LMX1B: variants seen among roughly 807,000 people sequenced by gnomAD.
The protein encoded by LMX1B is LIM homeobox transcription factor 1 beta.
LMX1B carries 12 observed loss-of-function variants against 51.4 expected under a neutral mutation model. That is an observed-to-expected ratio of 0.23 (90% CI 0.15 to 0.38). The LOEUF (loss-of-function observed/expected upper bound fraction) is 0.38. LMX1B is among the 10% of genes least tolerant of loss of function. The probability of loss-of-function intolerance (pLI) is 1.00; values close to 1 mark genes in which losing one functional copy is unlikely to be tolerated. For synonymous variants in LMX1B, 237 were observed against 235.4 expected, an observed-to-expected ratio of 1.01 and a Z score of -0.06; for missense variants, 445 against 571.1, an observed-to-expected ratio of 0.78 and a Z score of 2.25.
chr9:126,638,937 A>G (rs1382078204), intron 2 of LMX1B, among the ~76,000 whole-genome samples: 1 of 151,582 alleles, frequency 6.6e-6, no homozygotes, highest in East Asian at 2.0e-4. Context: ...GGCAGCTCCT[A>G]GGTGCGGACT....
intron 2 of LMX1B, among the ~76,000 whole-genome samples, chr9:126,656,209 A>G (rs1219441658): frequency 2.0e-5 from 3 of 152,200 alleles, no homozygotes; most frequent in Non-Finnish European, 2.9e-5. Context: ...TGAGGAATGG[A>G]AAACAGACAG....
chr9:126,665,494 G>A (rs1041585451), intron 2 of LMX1B, among the ~76,000 whole-genome samples: 1 of 152,246 alleles, frequency 6.6e-6, no homozygotes, highest in African/African-American at 2.4e-5. Context: ...GGAGCTTGGC[G>A]GCCACCGGCC....
intron 2 of LMX1B, among the ~76,000 whole-genome samples, chr9:126,634,761 G>A (rs1194546695): frequency 6.6e-6 from 1 of 152,208 alleles, no homozygotes; most frequent in Admixed American, 6.5e-5. Context: ...GGGCCCCGCT[G>A]CGAGTGTACC....
chr9:126,664,964 G>A (rs1187317687), intron 2 of LMX1B, among the ~76,000 whole-genome samples: 3 of 152,312 alleles, frequency 2.0e-5, no homozygotes, highest in African/African-American at 4.8e-5. Flanking sequence ...CTCTACCTAC[G>A]AAGTTGGGAT....
Position 126,626,700 on chromosome 9 carries a change from G to A in LMX1B, c.326+11131G>A, listed in dbSNP as rs1233950339. Among the ~76,000 whole-genome samples, 1 of 152,210 alleles carries A rather than the reference G, an allele frequency of 6.6e-6. No individual in the cohort carries two copies. Among genetic ancestry groups the A allele is most frequent in the African/African-American group, 2.4e-5 (1 of 41,464 alleles). On this transcript the variant is annotated intron_variant, in intron 2 of 7. Transcript: ENST00000373474. The surrounding 1 kb of genome is among the most constrained non-coding windows in gnomAD (Gnocchi z 4.3). ...CTTGTTTGGAAAGGGGTGGGTGGGG[G>A]GCGTCGAGCGAGCGAGGGAAGGAGC...
intron 2 of LMX1B, among the ~76,000 whole-genome samples, chr9:126,668,581 G>A (rs1346414634): frequency 6.6e-6 from 1 of 152,024 alleles, no homozygotes; most frequent in Admixed American, 6.5e-5. Context: ...AGCCTCCTGA[G>A]TAGCTGGGAT....
chr9:126,696,087 A>T, intron 7 of LMX1B, 84 bp downstream of exon 7: 4 of 1,227,656 alleles, frequency 3.3e-6, no homozygotes, highest in Non-Finnish European at 4.4e-6. Flanking sequence ...CAGGACAGCC[A>T]CCTGCTGCCC....
At chr9:126,665,251 G>C (rs886124489) in intron 2 of LMX1B, among the ~76,000 whole-genome samples, 2 of 152,202 alleles carry the variant, frequency 1.3e-5, no homozygotes, top group African/African-American at 4.8e-5. Context: ...AACCTGATTT[G>C]GGGGGAGGGG....
chr9:126,665,712 A>T (rs1269174745), intron 2 of LMX1B, among the ~76,000 whole-genome samples: 1 of 152,194 alleles, frequency 6.6e-6, no homozygotes, highest in Non-Finnish European at 1.5e-5. Flanking sequence ...AGCCGTGGAG[A>T]ATCGCTGGCC....
At chr9:126,630,429 T>C (rs1459205192) in intron 2 of LMX1B, among the ~76,000 whole-genome samples, 1 of 152,128 alleles carries the variant, frequency 6.6e-6, no homozygotes, top group East Asian at 1.9e-4. Flanking sequence ...AGGGCACATT[T>C]CATCACTGGG....
chr9:126,674,124 C>T (rs1474393975), intron 2 of LMX1B, among the ~76,000 whole-genome samples: 1 of 152,088 alleles, frequency 6.6e-6, no homozygotes, highest in East Asian at 1.9e-4. Context: ...AGTTCTGAGT[C>T]AGGGACAGAG....
At chr9:126,654,192 C>T (rs1836070088) in intron 2 of LMX1B, among the ~76,000 whole-genome samples, 1 of 152,232 alleles carries the variant, frequency 6.6e-6, no homozygotes, top group South Asian at 2.1e-4. Context: ...CTCAGGCTTC[C>T]TCCTCTTGGG....
At chr9:126,646,086 G>A (rs545824827) in intron 2 of LMX1B, among the ~76,000 whole-genome samples, 3 of 152,290 alleles carry the variant, frequency 2.0e-5, no homozygotes, top group African/African-American at 7.2e-5. Flanking sequence ...CTCATTTAAG[G>A]CCTGAGATCC....
intron 2 of LMX1B, among the ~76,000 whole-genome samples, chr9:126,661,988 G>T (rs955333843): frequency 6.6e-6 from 1 of 152,190 alleles, no homozygotes; most frequent in African/African-American, 2.4e-5. Flanking sequence ...CAGCAGGAAG[G>T]GGCCTTTCTC....
At chr9:126,660,021 G>A (rs911286616) in intron 2 of LMX1B, among the ~76,000 whole-genome samples, 1 of 148,572 alleles carries the variant, frequency 6.7e-6, no homozygotes, top group African/African-American at 2.5e-5. Context: ...AAATTGTCCT[G>A]TGTGGGGGTG....
At position 126,677,473 on chromosome 9, in the gene LMX1B, C is replaced by T. The variant is rs1382295373; in HGVS notation, c.327-13363C>T. Among the ~76,000 whole-genome samples the T allele has an allele frequency of 6.6e-6, 1 of 152,248 alleles. No homozygotes were observed. The highest frequency in any genetic ancestry group is 2.4e-5 in the African/African-American group (1 of 41,468). Reference sequence around the variant, plus strand: ...TCACTGGCTAGAAGCAGGTATCAGGCTCCCAAATCTCTGGGTCATTTGCTT... The same window carrying T: ...TCACTGGCTAGAAGCAGGTATCAGGTTCCCAAATCTCTGGGTCATTTGCTT... On this transcript the variant is annotated intron_variant, in intron 2 of 7. Coordinates refer to ENST00000373474, the MANE Select transcript of LMX1B (RefSeq NM_001174147.2). The surrounding 1 kb of genome is among the most constrained non-coding windows in gnomAD (Gnocchi z 5.0).
At chr9:126,678,213 G>A (rs1270200485) in intron 2 of LMX1B, among the ~76,000 whole-genome samples, 1 of 151,416 alleles carries the variant, frequency 6.6e-6, no homozygotes, top group Non-Finnish European at 1.5e-5. Flanking sequence ...GGGAGGCTAA[G>A]ACAGGAGAAT....
chr9:126,675,750 GAT>G (rs1317245489), intron 2 of LMX1B, among the ~76,000 whole-genome samples: 2 of 134,704 alleles, frequency 1.5e-5, no homozygotes, highest in African/African-American at 6.0e-5. Context: ...AAAAAAAAAA[GAT>G]AAAAAATGTT....
chr9:126,648,209 G>A (rs1360107092), intron 2 of LMX1B, among the ~76,000 whole-genome samples: 6 of 152,236 alleles, frequency 3.9e-5, no homozygotes, highest in East Asian at 1.9e-4. Flanking sequence ...GAAATTGATC[G>A]TTGAGTCAGA....
Sources: allele counts gnomAD v4.1 joint callset (sites outside exome capture counted in the v4.1 genomes callset), GRCh38; gene constraint gnomAD v4.1.1; non-coding constraint Gnocchi (gnomAD v3.1); transcripts MANE v1.5; gene names NCBI Gene and HGNC (gene_info 2026-07-23, HGNC 2026-07-21).